The following ERG variants were observed in gnomAD, a reference collection of about 807,000 sequenced individuals.
ERG encodes the protein transcriptional regulator ERG.
A neutral mutation model predicts 55.3 loss-of-function variants in ERG; 9 were observed. That is an observed-to-expected ratio of 0.16 (90% CI 0.10 to 0.28). The LOEUF (loss-of-function observed/expected upper bound fraction) is 0.28. ERG is among the 10% of genes least tolerant of loss of function. The pLI is 1.00. For missense variants in ERG, 434 were observed against 631.6 expected, an observed-to-expected ratio of 0.69 and a Z score of 3.35; for synonymous variants, 223 against 237.3, an observed-to-expected ratio of 0.94 and a Z score of 0.55.
chr21:38,590,007 A>T lies in ERG; in HGVS notation c.-149-5062T>A, dbSNP rs1294434121. Among the ~76,000 whole-genome samples, 4 of 152,308 alleles carry T rather than the reference A, an allele frequency of 2.6e-5. No homozygotes were observed. The South Asian group carries it at 8.3e-4, about 32-fold the overall frequency. ...CGCAGACACGCTGAGTATGCTCTTC[A>T]GTTCTAATTTTAAAATAAAATGATC... On this transcript the variant is annotated intron_variant, in intron 1 of 10. Transcript: ENST00000398910.
intron 1 of ERG, among the ~76,000 whole-genome samples, chr21:38,634,400 C>G (rs2060375770): frequency 6.6e-6 from 1 of 152,134 alleles, no homozygotes; most frequent in Admixed American, 6.5e-5. Flanking sequence ...ACGGGAATGG[C>G]TATTTTATGA....
chr21:38,559,094 G>A (rs1271179434), intron 2 of ERG, among the ~76,000 whole-genome samples: 1 of 152,170 alleles, frequency 6.6e-6, no homozygotes, highest in Non-Finnish European at 1.5e-5. Flanking sequence ...AAGCAAAAGA[G>A]CACCCAGCAT....
At chr21:38,392,225 T>C in intron 7 of ERG, 151 bp downstream of exon 7, 1 of 738,186 alleles carries the variant, frequency 1.4e-6, no homozygotes, top group Non-Finnish European at 2.4e-6. Context: ...ATCACTGCAG[T>C]GAAAGATCAA....
intron 9 of ERG, among the ~76,000 whole-genome samples, chr21:38,384,909 G>A (rs1987621911): frequency 6.6e-6 from 1 of 151,602 alleles, no homozygotes; most frequent in Non-Finnish European, 1.5e-5. Context: ...GCATCGTAAC[G>A]GAAACCAGTG....
chr21:38,506,214 A>C (rs529485023), intron 2 of ERG, among the ~76,000 whole-genome samples: 31 of 152,288 alleles, frequency 2.0e-4, no homozygotes, highest in African/African-American at 7.0e-4. Context: ...AAAATTTACC[A>C]CTTTACAATA....
chr21:38,648,116 G>A (rs1344475641), intron 1 of ERG, among the ~76,000 whole-genome samples: 1 of 152,208 alleles, frequency 6.6e-6, no homozygotes, highest in Non-Finnish European at 1.5e-5. Flanking sequence ...TATGTAATAT[G>A]CAATTCTTTT....
chr21:38,646,622 T>C (rs2060458409), intron 1 of ERG, among the ~76,000 whole-genome samples: 1 of 152,208 alleles, frequency 6.6e-6, no homozygotes, highest in Non-Finnish European at 1.5e-5. Flanking sequence ...GGGTGGGTTA[T>C]TCAGCTCTGC....
chr21:38,403,695 T>A lies in ERG; in HGVS notation c.403A>T (p.Ser135Cys). The part of the protein sequence containing the change: ...VIVPADPTLW[S>C]TDHVRQWLEW... ...AGCCACTGCCGCACATGGTCTGTAC[T>A]CCATAGCGTAGGATCTGAAAGGGGT... Residue 135 changes from serine (S) to cysteine (C), a missense_variant, in exon 4 of 10, where the codon AGT becomes TGT. Ser to Cys is a moderately radical substitution (Grantham distance 112). Transcript: ENST00000288319. 1 of 1,614,160 alleles carries A rather than the reference T, an allele frequency of 6.2e-7. No homozygotes were observed. Among genetic ancestry groups the A allele is most frequent in the Non-Finnish European group, 8.5e-7 (1 of 1,179,998 alleles).
intron 1 of ERG, among the ~76,000 whole-genome samples, chr21:38,632,769 G>A (rs771931309): frequency 4.6e-5 from 7 of 152,170 alleles, no homozygotes; most frequent in Non-Finnish European, 8.8e-5. Flanking sequence ...TTTATTGGCA[G>A]CATAAAAACA....
intron 2 of ERG, among the ~76,000 whole-genome samples, chr21:38,436,640 T>A (rs1240205554): frequency 6.6e-6 from 1 of 152,228 alleles, no homozygotes; most frequent in East Asian, 1.9e-4. Context: ...TGTCATCTCA[T>A]AGATGTTTGA....
At chr21:38,400,992 C>G (rs1988463420) in intron 5 of ERG, among the ~76,000 whole-genome samples, 1 of 152,166 alleles carries the variant, frequency 6.6e-6, no homozygotes, top group Non-Finnish European at 1.5e-5. Context: ...TATTTTTCAA[C>G]TTGTATAAAA....
chr21:38,609,106 T>C (rs1460852874), intron 1 of ERG, among the ~76,000 whole-genome samples: 2 of 152,184 alleles, frequency 1.3e-5, no homozygotes, highest in African/African-American at 2.4e-5. Flanking sequence ...GATCAGACTT[T>C]TAAGTGATTA....
chr21:38,657,576 G>T (rs1456553375), intron 1 of ERG, among the ~76,000 whole-genome samples: 3 of 152,088 alleles, frequency 2.0e-5, no homozygotes, highest in African/African-American at 7.2e-5. Flanking sequence ...TTAAATAAAA[G>T]ATAAAGTTAA....
intron 2 of ERG, among the ~76,000 whole-genome samples, chr21:38,533,254 G>T (rs1014292908): frequency 6.6e-6 from 1 of 151,876 alleles, no homozygotes; most frequent in African/African-American, 2.4e-5. Context: ...TCTTACCATA[G>T]AATTCCAGAA....
intron 2 of ERG, among the ~76,000 whole-genome samples, chr21:38,437,282 T>A (rs892952780): frequency 1.3e-5 from 2 of 152,064 alleles, no homozygotes; most frequent in Admixed American, 6.5e-5. Flanking sequence ...CCTGCAGCAT[T>A]TGTCAACTTC....
At chr21:38,380,024 GA>G, downstream of ERG, 1 of 1,011,582 alleles carries the variant, frequency 9.9e-7, no homozygotes. Context: ...AGAAGGCACA[GA>G]ATTTGGTGTA....
intron 1 of ERG, chr21:38,575,771 AC>A (rs2059991139): frequency 6.4e-7 from 1 of 1,554,550 alleles, no homozygotes; most frequent in Admixed American, 1.7e-5. Flanking sequence ...GGAACAACAT[AC>A]ATAATAATAA....
chr21:38,538,683 C>T (rs1490755697), intron 2 of ERG, among the ~76,000 whole-genome samples: 1 of 152,104 alleles, frequency 6.6e-6, no homozygotes, highest in Non-Finnish European at 1.5e-5. Flanking sequence ...ATACCCTTTG[C>T]TTTCAACTAT....
At chr21:38,376,972 A>G (rs529900817), downstream of ERG, among the ~76,000 whole-genome samples, 1 of 152,362 alleles carries the variant, frequency 6.6e-6, no homozygotes, top group Non-Finnish European at 1.5e-5. Context: ...TCTGCCCAGC[A>G]TAGCTAGATA....
Sources: allele counts gnomAD v4.1 joint callset (sites outside exome capture counted in the v4.1 genomes callset), GRCh38; gene constraint gnomAD v4.1.1; transcripts MANE v1.5; gene names NCBI Gene and HGNC (gene_info 2026-07-23, HGNC 2026-07-21).